Variants in ZNF177 observed in about 807,000 individuals in gnomAD.
ZNF177 encodes zinc finger protein 177.
ZNF177 carries 17 observed loss-of-function variants against 19.4 expected under a neutral mutation model. The observed-to-expected ratio is 0.87, with a 90% CI of 0.60 to 1.31. ZNF177 has a LOEUF of 1.31. Among genes scored for constraint, ZNF177 ranks in the 40% most tolerant of loss-of-function variants. The pLI is 0.00. For missense variants in ZNF177, 633 were observed against 561.8 expected (o/e 1.13, Z -1.28); for synonymous variants, 220 against 188.7 (o/e 1.17, Z -1.36).
At chr19:9,379,833 A>G (rs1380027415) in intron 4 of ZNF177, 8 of 25,184 alleles carry the variant, frequency 3.2e-4, no homozygotes, top group Non-Finnish European at 5.6e-4. Context: ...TTTTTGCCAG[A>G]TAATACTGTC....
intron 2 of ZNF177, 111 bp downstream of exon 4, chr19:9,378,455 C>T: frequency 6.6e-7 from 1 of 1,519,316 alleles, no homozygotes; most frequent in South Asian, 1.2e-5. Flanking sequence ...GCTTCATCTT[C>T]CGCAGCTCCC....
chr19:9,368,656 C>T (rs2068010594), intron 2 of ZNF177, among the ~76,000 whole-genome samples: 1 of 152,034 alleles, frequency 6.6e-6, no homozygotes, highest in Non-Finnish European at 1.5e-5. Context: ...TTCCTAAGGA[C>T]CAGTTTAGCT....
exon 6 of ZNF177, chr19:9,381,802 C>T (rs781107288): frequency 5.8e-6 from 9 of 1,560,814 alleles, no homozygotes; most frequent in Non-Finnish European, 7.8e-6. Context: ...GTGTTTGTTG[C>T]CCCTCATGCC....
At chr19:9,380,621 G>T in intron 5 of ZNF177, 47 bp from the exon 8 acceptor site, 1 of 1,535,872 alleles carries the variant, frequency 6.5e-7, no homozygotes, top group Non-Finnish European at 8.7e-7. Context: ...TGTGAATAAG[G>T]TGAAAGTGAA....
upstream of ZNF177, among the ~76,000 whole-genome samples, chr19:9,375,278 G>C (rs1326284995): frequency 6.6e-6 from 1 of 152,074 alleles, no homozygotes; most frequent in Non-Finnish European, 1.5e-5. Context: ...TTTTCAGTAG[G>C]GATATTGGCT....
intron 2 of ZNF177, among the ~76,000 whole-genome samples, chr19:9,365,398 CAG>C (rs1210261334): frequency 3.3e-5 from 5 of 151,052 alleles, no homozygotes; most frequent in African/African-American, 7.3e-5. Flanking sequence ...GGTAGAGACA[CAG>C]AGAGAAGGGA....
chr19:9,377,257 T>C (rs556034671), intron 1 of ZNF177, among the ~76,000 whole-genome samples: 1 of 152,330 alleles, frequency 6.6e-6, no homozygotes, highest in East Asian at 1.9e-4. Context: ...AATATGGTTA[T>C]GTACAGTAGA....
At chr19:9,378,331 C>T (rs2122548529) in exon 2 of ZNF177, 1 of 1,613,674 alleles carries the variant, frequency 6.2e-7, no homozygotes, top group Middle Eastern at 1.7e-4. Flanking sequence ...GGGTGGCTGA[C>T]AACCTGGTCA....
intron 4 of ZNF177, 72 bp from the exon 7 acceptor site, chr19:9,379,985 G>C: frequency 6.5e-7 from 1 of 1,528,910 alleles, no homozygotes; most frequent in African/African-American, 1.4e-5. Context: ...CAAATCCATA[G>C]GGTCTCCCTC....
chr19:9,381,700 T>C (rs781220035), exon 6 of ZNF177: 1 of 1,614,114 alleles, frequency 6.2e-7, no homozygotes. Flanking sequence ...ATGTATTCAG[T>C]GTGAAAAAGC....
At chr19:9,366,973 T>G (rs952114328) in intron 2 of ZNF177, among the ~76,000 whole-genome samples, 2 of 152,246 alleles carry the variant, frequency 1.3e-5, no homozygotes, top group African/African-American at 4.8e-5. Context: ...GACCTTTTTA[T>G]CTTTAGAAAA....
intron 1 of ZNF177, 28 bp from the exon 4 acceptor site, chr19:9,378,231 C>T: frequency 6.3e-7 from 1 of 1,590,318 alleles, no homozygotes; most frequent in Non-Finnish European, 8.6e-7. Flanking sequence ...CAGGCCTAGA[C>T]TCTAATGGCT....
At chr19:9,378,890 C>T in intron 2 of ZNF177, 72 bp from the exon 5 acceptor site, 1 of 1,512,492 alleles carries the variant, frequency 6.6e-7, no homozygotes, top group Non-Finnish European at 8.9e-7. Context: ...CTGTCAGCCT[C>T]ACCCACCATT....
chr19:9,364,707 T>C (rs189303492), intron 1 of ZNF177, among the ~76,000 whole-genome samples, 155 bp from the exon 2 acceptor site: 10 of 152,220 alleles, frequency 6.6e-5, no homozygotes, highest in Admixed American at 6.5e-5. Flanking sequence ...AAGGGGTGTC[T>C]TGTACTTAGA....
chr19:9,378,707 G>T lies in ZNF177; in HGVS notation c.34-255G>T, dbSNP rs2068146382. ...AAAAGAGTCCTCACAACCTAACTGT[G>T]CAAAGATCAAGCCAACCATATTTTA... is the stretch of plus-strand genomic sequence containing the variant. On this transcript the variant is annotated intron_variant, in intron 2 of 5. Transcript: ENST00000589262. 5.2e-6 allele frequency: 3 copies of T among 571,840 alleles called. No individual in the cohort carries two copies. In the East Asian group the frequency reaches 9.6e-5, roughly 18 times the overall value. The allele number at this position is 571,840 out of a possible 1,614,324, so 35.4% of individuals were successfully genotyped here.
chr19:9,381,722 G>C lies in ZNF177; in HGVS notation c.1391G>C (p.Ser464Thr), dbSNP rs187550503. The change falls in exon 6 of 6, where the codon AGC becomes ACC. Residue 464 changes from serine to threonine, a missense_variant. Ser to Thr is a moderately conservative substitution (Grantham distance 58, BLOSUM62 1). Coordinates refer to ENST00000589262, the Ensembl canonical transcript of ZNF177. ...CAGTGTGAAAAAGCCTTTAGCACAA[G>C]CACTAACCTTATAATGCACAAGCGA... 8.7e-6 allele frequency: 14 copies of C among 1,613,460 alleles called. 1 individual carries two copies. The African/African-American group carries it at 1.5e-4, about 17-fold the overall frequency.
chr19:9,365,815 T>C (rs2067971027), intron 2 of ZNF177, among the ~76,000 whole-genome samples: 1 of 150,774 alleles, frequency 6.6e-6, no homozygotes. Flanking sequence ...GAGAAAGAGG[T>C]TGAGGGATAG....
chr19:9,381,991 T>A, exon 6 of ZNF177: 1 of 674,120 alleles, frequency 1.5e-6, no homozygotes, highest in Non-Finnish European at 2.3e-6. Context: ...GTAGATCCTA[T>A]GAATATTTTA....
In ZNF177 at chr19:9,380,890, CAA is replaced by C. The variant is rs902798271; in HGVS notation, c.560_561del (p.Gln187ArgfsTer20). ...TACTGATTGTAGAAAAGCTTTCAATCAAGAGTCATCCCTCAGGAAACACTTAA... is the reference window on the plus strand; with the variant it reads ...TACTGATTGTAGAAAAGCTTTCAATCGAGTCATCCCTCAGGAAACACTTAA... On this transcript the variant is annotated frameshift_variant, in exon 6 of 6. Transcript: ENST00000589262. LOFTEE classifies it low-confidence loss of function (END_TRUNC). The C allele has an allele frequency of 2.3e-5, 35 of 1,535,992 alleles. No individual in the cohort carries two copies. The highest frequency in any genetic ancestry group is 1.7e-4 in the Middle Eastern group (1 of 6,012).
Sources: allele counts gnomAD v4.1 joint callset (sites outside exome capture counted in the v4.1 genomes callset), GRCh38; gene constraint gnomAD v4.1.1; transcripts MANE v1.5; gene names NCBI Gene and HGNC (gene_info 2026-07-23, HGNC 2026-07-21).